The following ATP13A3 variants were observed in gnomAD, a reference collection of about 807,000 sequenced individuals.
ATP13A3 encodes the protein polyamine-transporting ATPase 13A3.
In ATP13A3, 59 loss-of-function variants were observed where a neutral mutation model predicts 158.1. That is an observed-to-expected ratio of 0.37 (90% CI 0.30 to 0.46). ATP13A3 has a LOEUF of 0.46. Among genes scored for constraint, ATP13A3 ranks in the 20% least tolerant of loss-of-function variants. The probability of loss-of-function intolerance (pLI) is 1.00; values close to 1 mark genes in which losing one functional copy is unlikely to be tolerated. For synonymous variants in ATP13A3, 491 were observed against 504.3 expected, an observed-to-expected ratio of 0.97 and a Z score of 0.35; for missense variants, 1,166 against 1,525.2, an observed-to-expected ratio of 0.76 and a Z score of 3.92.
Position 194,447,844 on chromosome 3 carries a change from AT to A in ATP13A3, c.1308+7del, listed in dbSNP as rs1560096254. On this transcript the variant is annotated splice_region_variant and intron_variant, in intron 13 of 33. Coordinates refer to ENST00000645319, the MANE Select transcript of ATP13A3 (RefSeq NM_001367549.1). ...GTTCAAACCCTATTAAGAGTCCCAC[AT>A]ACATACCTCATTTAAAATGCTATTA... 6.2e-7 allele frequency: 1 copy of A among 1,603,430 alleles called. No homozygotes were observed. Among genetic ancestry groups the A allele is most frequent in the Non-Finnish European group, 8.5e-7 (1 of 1,170,736 alleles).
At chr3:194,472,853 C>T (rs192862835) in intron 2 of ATP13A3, among the ~76,000 whole-genome samples, 2 of 152,260 alleles carry the variant, frequency 1.3e-5, no homozygotes, top group Admixed American at 1.3e-4. Context: ...TGCAGTAACA[C>T]GGATGCAGCT....
chr3:194,486,646 G>T lies in ATP13A3; in HGVS notation c.-169C>A, dbSNP rs561954891. On this transcript the variant is annotated 5_prime_UTR_variant, in exon 1 of 34. Transcript: ENST00000645319. ...CGGACCAGCCCCAGGGACCGCGGGG[G>T]ACCCGGCCGCCGCTGTCGCCGCCGC... The T allele has an allele frequency of 1.5e-4, 22 of 148,748 alleles. No homozygotes were observed. In the East Asian group the frequency reaches 4.1e-3, roughly 28 times the overall value. 9.2% of individuals were successfully genotyped at this position (148,748 alleles called of 1,614,324 possible). A position where few individuals can be genotyped will look rare whatever the true frequency, so the allele number is the denominator to read the frequency against.
Position 194,437,435 on chromosome 3 carries a change from C to T in ATP13A3, c.1875G>A (p.Gln625=), listed in dbSNP as rs1577055543. 6.2e-7 allele frequency: 1 copy of T among 1,614,216 alleles called. No homozygotes were observed. The highest frequency in any genetic ancestry group is 8.5e-7 in the Non-Finnish European group (1 of 1,180,040). Residue 625 remains glutamine (Q), a synonymous_variant, in exon 19 of 34, where the codon CAG becomes CAA. Coordinates refer to ENST00000645319, the MANE Select transcript of ATP13A3 (RefSeq NM_001367549.1). Reference sequence around the variant, plus strand: ...GTTGCAAAGCAGAAGAAAATGGGAACTGGCGAACAATTCCTATCTCATAAG... The same window carrying T: ...GTTGCAAAGCAGAAGAAAATGGGAATTGGCGAACAATTCCTATCTCATAAG... ...PATYEIGIVR[Q]FPFSSALQRM...
chr3:194,452,237 T>C (rs1370080605), intron 10 of ATP13A3: 1 of 152,278 alleles, frequency 6.6e-6, no homozygotes, highest in Non-Finnish European at 1.5e-5. Context: ...ACGCCTGTAA[T>C]CCCAGCACTC....
At position 194,429,702 on chromosome 3, in the gene ATP13A3, G is replaced by A. The variant is rs1305848746; in HGVS notation, c.2850C>T (p.Tyr950=). Residue 950 remains tyrosine, a synonymous_variant, in exon 27 of 34, where the codon TAC becomes TAT. Transcript: ENST00000645319. ...CAGAATACAGCAGAGTAACACTGAAGTACTGGATAATGCTGTACAATGCCA... is the reference window on the plus strand; with the variant it reads ...CAGAATACAGCAGAGTAACACTGAAATACTGGATAATGCTGTACAATGCCA... The part of the protein sequence containing the change: ...KFMALYSIIQ[Y]FSVTLLYSIL... 2 of 1,612,596 alleles carry A rather than the reference G, an allele frequency of 1.2e-6. No individual in the cohort carries two copies. The highest frequency in any genetic ancestry group is 2.7e-5 in the African/African-American group (2 of 74,906).
chr3:194,482,568 T>A (rs1446798466), intron 2 of ATP13A3, among the ~76,000 whole-genome samples: 1 of 152,274 alleles, frequency 6.6e-6, no homozygotes, highest in Admixed American at 6.5e-5. Context: ...GCCAGAAATC[T>A]GAGCCTCTCT....
intron 33 of ATP13A3, among the ~76,000 whole-genome samples, chr3:194,406,695 G>A (rs959431671): frequency 1.3e-5 from 2 of 152,108 alleles, no homozygotes; most frequent in Non-Finnish European, 2.9e-5. Context: ...TGGCAACTTA[G>A]CCGCATGATC....
intron 30 of ATP13A3, among the ~76,000 whole-genome samples, chr3:194,422,828 A>T (rs982271628): frequency 6.6e-6 from 1 of 151,702 alleles, no homozygotes; most frequent in African/African-American, 2.4e-5. Flanking sequence ...TACAGCCACA[A>T]ATCCTAAGCC....
At chr3:194,450,318 T>C in intron 10 of ATP13A3, 42 bp from the exon 11 acceptor site, 1 of 1,565,150 alleles carries the variant, frequency 6.4e-7, no homozygotes, top group Non-Finnish European at 8.8e-7. Flanking sequence ...AAAGATATTC[T>C]TTACCTTGGA....
rs139979698 is a variant in ATP13A3, at chr3:194,407,685, G to A, written c.3574-1569C>T. Reference sequence around the variant, plus strand: ...AAAAAGGTGGACAAAAGTAAGCTACGTGGCATTCTGGGGTGGGGACGGGGA... The same window carrying A: ...AAAAAGGTGGACAAAAGTAAGCTACATGGCATTCTGGGGTGGGGACGGGGA... On this transcript the variant is annotated intron_variant, in intron 33 of 33. Coordinates refer to ENST00000645319, the MANE Select transcript of ATP13A3 (RefSeq NM_001367549.1). 4.6e-5 allele frequency among the ~76,000 whole-genome samples: 7 copies of A among 152,278 alleles called. No homozygotes were observed. The East Asian group carries it at 7.7e-4, about 17-fold the overall frequency.
chr3:194,485,192 G>A (rs541761888), intron 2 of ATP13A3, among the ~76,000 whole-genome samples: 1 of 152,256 alleles, frequency 6.6e-6, no homozygotes, highest in South Asian at 2.1e-4. Flanking sequence ...TCTAATGGTA[G>A]GATAATGCAA....
intron 2 of ATP13A3, among the ~76,000 whole-genome samples, chr3:194,493,440 A>T (rs1459970517): frequency 6.6e-6 from 1 of 152,042 alleles, no homozygotes; most frequent in African/African-American, 2.4e-5. Flanking sequence ...TGAGGTCAGG[A>T]GTTCGAGACC....
In ATP13A3 at chr3:194,405,669, T is replaced by C. The variant is rs1438985361; in HGVS notation, c.*250A>G. On this transcript the variant is annotated 3_prime_UTR_variant, in exon 34 of 34. Coordinates refer to ENST00000645319, the MANE Select transcript of ATP13A3 (RefSeq NM_001367549.1). ...CTGAAAGTAACAATCAAGAAAATTC[T>C]GGAAATGTATGTAATATTTGGGTTG... is the stretch of plus-strand genomic sequence containing the variant. The C allele has an allele frequency of 2.5e-6, 1 of 400,456 alleles. No individual in the cohort carries two copies. The highest frequency in any genetic ancestry group is 4.5e-6 in the Non-Finnish European group (1 of 222,000). The allele number at this position is 400,456 out of a possible 1,614,324, so 24.8% of individuals were successfully genotyped here.
intron 31 of ATP13A3, among the ~76,000 whole-genome samples, chr3:194,417,443 AC>A (rs1715942433): frequency 6.6e-6 from 1 of 150,632 alleles, no homozygotes; most frequent in South Asian, 2.1e-4. Flanking sequence ...ACACACACAC[AC>A]AAAAGGAGGA....
At chr3:194,412,373 C>T in intron 32 of ATP13A3, 85 bp from the exon 33 acceptor site, 1 of 994,964 alleles carries the variant, frequency 1.0e-6, no homozygotes, top group Non-Finnish European at 1.5e-6. Context: ...ATCACACATG[C>T]TGCATAATTG....
chr3:194,433,621 G>C, intron 21 of ATP13A3, 151 bp downstream of exon 21: 1 of 929,132 alleles, frequency 1.1e-6, no homozygotes, highest in African/African-American at 1.7e-5. Flanking sequence ...GTTATCTTGC[G>C]CTTGGGAAAA....
chr3:194,449,192 C>A (rs530914868), intron 11 of ATP13A3, among the ~76,000 whole-genome samples: 19 of 152,188 alleles, frequency 1.2e-4, no homozygotes, highest in Admixed American at 4.6e-4. Flanking sequence ...AAAATTAATT[C>A]TCTGCAGCAT....
At position 194,404,982 on chromosome 3, in the gene ATP13A3, TAAAA is replaced by T. The variant is rs527595967; in HGVS notation, c.*933_*936del. ...AATTTTATGAGGTAAAATTCTAACT[TAAAA>T]AAAACTATTATCCTATGTCTTTAGG... On this transcript the variant is annotated 3_prime_UTR_variant, in exon 34 of 34. Coordinates refer to ENST00000645319, the MANE Select transcript of ATP13A3 (RefSeq NM_001367549.1). The T allele has an allele frequency of 6.6e-6, 1 of 151,912 alleles. No homozygotes were observed. Among genetic ancestry groups the T allele is most frequent in the Non-Finnish European group, 1.5e-5 (1 of 67,970 alleles). The allele number at this position is 151,912 out of a possible 1,614,324, so 9.4% of individuals were successfully genotyped here.
chr3:194,462,085 A>G, intron 3 of ATP13A3, 55 bp downstream of exon 3: 1 of 1,556,510 alleles, frequency 6.4e-7, no homozygotes, highest in South Asian at 1.1e-5. Flanking sequence ...CTAAAATAAT[A>G]AATTGCAGAG....
Sources: allele counts gnomAD v4.1 joint callset (sites outside exome capture counted in the v4.1 genomes callset), GRCh38; gene constraint gnomAD v4.1.1; transcripts MANE v1.5; gene names NCBI Gene and HGNC (gene_info 2026-07-23, HGNC 2026-07-21).